The following INPP4B variants were observed in gnomAD, a reference collection of about 807,000 sequenced individuals.
INPP4B encodes the protein inositol polyphosphate 4-phosphatase type II.
INPP4B carries 55 observed loss-of-function variants against 122.5 expected under a neutral mutation model. The observed-to-expected ratio is 0.45, with a 90% CI of 0.36 to 0.56. INPP4B has a LOEUF of 0.56. Ranked by LOEUF, INPP4B falls within the 20% of genes least tolerant of loss-of-function variation. INPP4B has a pLI of 0.00. For synonymous variants in INPP4B, 403 were observed against 388.7 expected (o/e 1.04, Z -0.43); for missense variants, 1,000 against 1,097.7 (o/e 0.91, Z 1.26).
intron 2 of INPP4B, among the ~76,000 whole-genome samples, chr4:142,468,736 C>T (rs898444798): frequency 6.6e-6 from 1 of 152,162 alleles, no homozygotes; most frequent in Admixed American, 6.5e-5. Context: ...AGCCTGAAGC[C>T]CTCATCAGAT....
chr4:142,444,964 T>C (rs1812591565), intron 3 of INPP4B, among the ~76,000 whole-genome samples: 1 of 151,862 alleles, frequency 6.6e-6, no homozygotes. Flanking sequence ...AGTTGAACAA[T>C]GAGAACAAAC....
At chr4:142,776,564 T>A (rs539852454) in intron 1 of INPP4B, among the ~76,000 whole-genome samples, 3 of 152,122 alleles carry the variant, frequency 2.0e-5, no homozygotes, top group Non-Finnish European at 4.4e-5. Flanking sequence ...TCCAGATATA[T>A]GCAAGGAAGC....
chr4:142,256,410 C>A (rs1017231999), intron 11 of INPP4B, among the ~76,000 whole-genome samples: 86 of 151,986 alleles, frequency 5.7e-4, no homozygotes, highest in Non-Finnish European at 9.7e-4. Flanking sequence ...ATTAATGAAT[C>A]CAGGAGCTGG....
At chr4:142,202,379 T>C (rs952418357) in intron 14 of INPP4B, among the ~76,000 whole-genome samples, 1 of 152,094 alleles carries the variant, frequency 6.6e-6, no homozygotes, top group Non-Finnish European at 1.5e-5. Flanking sequence ...GATTTCAAAA[T>C]GGCATGTAAT....
rs966107516 is a variant in INPP4B, at chr4:142,302,644, T to G, written c.503+2814A>C. On this transcript the variant is annotated intron_variant, in intron 9 of 25. Transcript: ENST00000262992. The stretch of plus-strand genomic sequence containing the variant: ...AGAGCACAAAGCACATGGTTGGTTA[T>G]TGTCATCCTTATTATCATTCTTATA... Among the ~76,000 whole-genome samples, 3 of 152,178 alleles carry G rather than the reference T, an allele frequency of 2.0e-5. No individual in the cohort carries two copies. The East Asian group carries it at 5.8e-4, about 29-fold the overall frequency.
At chr4:142,032,152 C>T (rs1211815613) in intron 25 of INPP4B, among the ~76,000 whole-genome samples, 1 of 152,060 alleles carries the variant, frequency 6.6e-6, no homozygotes, top group African/African-American at 2.4e-5. Flanking sequence ...TAGTGCATTA[C>T]CTAGTAACTT....
intron 2 of INPP4B, among the ~76,000 whole-genome samples, chr4:142,683,024 T>G (rs1758851152): frequency 6.6e-6 from 1 of 151,946 alleles, no homozygotes; most frequent in Admixed American, 6.6e-5. Flanking sequence ...ATAGATGATT[T>G]CCTAGATAAG....
intron 2 of INPP4B, chr4:142,514,541 G>A (rs1041163145): frequency 1.3e-5 from 2 of 152,164 alleles, no homozygotes; most frequent in Non-Finnish European, 2.9e-5. Flanking sequence ...GCTGAAGTTT[G>A]TCAAGTTTGT....
intron 25 of INPP4B, among the ~76,000 whole-genome samples, chr4:142,066,680 G>A (rs920078371): frequency 1.3e-5 from 2 of 152,182 alleles, no homozygotes; most frequent in Non-Finnish European, 2.9e-5. Flanking sequence ...ATTATATCCC[G>A]TGCATGGCTC....
At chr4:142,263,680 A>ATG (rs61694410) in intron 10 of INPP4B, among the ~76,000 whole-genome samples, 4,597 of 81,642 alleles carry the variant, frequency 0.056, 694 homozygotes, top group Middle Eastern at 0.071. Flanking sequence ...ATATATATAT[A>ATG]ACATTGAACA....
chr4:142,258,579 T>C (rs1737812223), intron 11 of INPP4B, among the ~76,000 whole-genome samples: 1 of 152,188 alleles, frequency 6.6e-6, no homozygotes, highest in Non-Finnish European at 1.5e-5. Context: ...AAGACATTTA[T>C]GCAGCCAAAA....
At chr4:142,052,443 A>G (rs1030053918) in intron 25 of INPP4B, among the ~76,000 whole-genome samples, 2 of 152,178 alleles carry the variant, frequency 1.3e-5, no homozygotes, top group African/African-American at 4.8e-5. Context: ...ATGTATTTCT[A>G]AAAAACATGA....
At chr4:142,716,710 A>C (rs2150819092) in intron 2 of INPP4B, among the ~76,000 whole-genome samples, 1 of 152,330 alleles carries the variant, frequency 6.6e-6, no homozygotes, top group Non-Finnish European at 1.5e-5. Context: ...CAAGTATTTA[A>C]ATCTCATTGT....
intron 25 of INPP4B, among the ~76,000 whole-genome samples, chr4:142,063,549 A>C (rs1272254111): frequency 6.6e-6 from 1 of 152,214 alleles, no homozygotes; most frequent in Non-Finnish European, 1.5e-5. Context: ...ATATTGACAA[A>C]ACATGCTAAT....
intron 11 of INPP4B, among the ~76,000 whole-genome samples, chr4:142,250,730 T>C (rs557324264): frequency 6.6e-6 from 1 of 152,266 alleles, no homozygotes; most frequent in South Asian, 2.1e-4. Flanking sequence ...CTTCCCCTGA[T>C]AAAAGATGAC....
At chr4:142,405,487 T>C (rs1029062733) in intron 5 of INPP4B, among the ~76,000 whole-genome samples, 163 bp from the exon 6 acceptor site, 7 of 152,094 alleles carry the variant, frequency 4.6e-5, no homozygotes, top group African/African-American at 1.7e-4. Context: ...CTTACAGAAA[T>C]AGGAAGTCAC....
intron 17 of INPP4B, 119 bp downstream of exon 17, chr4:142,160,239 A>G (rs1301734982): frequency 2.8e-6 from 2 of 703,084 alleles, no homozygotes; most frequent in East Asian, 2.9e-5. Context: ...CTATTTATCC[A>G]CAATCAGTGT....
At chr4:142,067,158 C>T (rs1041144920) in intron 25 of INPP4B, among the ~76,000 whole-genome samples, 4 of 152,146 alleles carry the variant, frequency 2.6e-5, no homozygotes, top group Non-Finnish European at 5.9e-5. Flanking sequence ...AACATTTGCC[C>T]TTCTGCAATA....
At chr4:142,463,639 CCCA>C (rs1479566261) in intron 2 of INPP4B, among the ~76,000 whole-genome samples, 1 of 152,030 alleles carries the variant, frequency 6.6e-6, no homozygotes, top group Non-Finnish European at 1.5e-5. Context: ...TCCCTTAATC[CCCA>C]CATGTTGTGA....
Sources: allele counts gnomAD v4.1 joint callset (sites outside exome capture counted in the v4.1 genomes callset), GRCh38; gene constraint gnomAD v4.1.1; transcripts MANE v1.5; gene names NCBI Gene and HGNC (gene_info 2026-07-23, HGNC 2026-07-21).